The following FSTL5 variants were observed in gnomAD, a reference collection of about 807,000 sequenced individuals.
FSTL5 encodes the protein follistatin-related protein 5.
In FSTL5, 62 loss-of-function variants were observed where a neutral mutation model predicts 89.1. That is an observed-to-expected ratio of 0.70 (90% CI 0.57 to 0.86). The LOEUF (loss-of-function observed/expected upper bound fraction) is 0.86, where lower values mean the gene tolerates loss of function less well. Ranked by LOEUF, FSTL5 falls within the 40% of genes least tolerant of loss-of-function variation. The probability of loss-of-function intolerance (pLI) is 0.00; values close to 1 mark genes in which losing one functional copy is unlikely to be tolerated. For missense variants in FSTL5, 1,057 were observed against 1,001.6 expected (o/e 1.06, Z -0.75); for synonymous variants, 383 against 346.2 (o/e 1.11, Z -1.18).
At chr4:161,550,855 T>C (rs951260027) in intron 8 of FSTL5, among the ~76,000 whole-genome samples, 1 of 151,962 alleles carries the variant, frequency 6.6e-6, no homozygotes, top group African/African-American at 2.4e-5. Context: ...GTTCTTGCGA[T>C]AGTTTGCTGA....
intron 6 of FSTL5, among the ~76,000 whole-genome samples, chr4:161,705,964 A>ACC (rs1738558820): frequency 1.5e-5 from 1 of 65,662 alleles, no homozygotes; most frequent in Non-Finnish European, 2.8e-5. Context: ...ATATATATAT[A>ACC]TATATATATA....
intron 2 of FSTL5, among the ~76,000 whole-genome samples, chr4:162,042,937 T>G (rs868438876): frequency 8.8e-4 from 93 of 105,992 alleles, no homozygotes; most frequent in Middle Eastern, 7.7e-3. Flanking sequence ...TACACTCTGG[T>G]GACTGTTGTG....
chr4:162,045,392 T>TC (rs988869095), intron 2 of FSTL5, among the ~76,000 whole-genome samples: 1 of 152,190 alleles, frequency 6.6e-6, no homozygotes, highest in African/African-American at 2.4e-5. Context: ...TTCATGGTGC[T>TC]CCAAAACAGT....
At chr4:161,636,345 C>T (rs1735698567) in intron 7 of FSTL5, among the ~76,000 whole-genome samples, 2 of 151,604 alleles carry the variant, frequency 1.3e-5, no homozygotes, top group South Asian at 4.2e-4. Flanking sequence ...TCAAATATAA[C>T]TGTTAAAGTA....
chr4:161,637,896 G>A (rs1172805604), intron 7 of FSTL5, among the ~76,000 whole-genome samples: 1 of 136,150 alleles, frequency 7.3e-6, no homozygotes, highest in Non-Finnish European at 1.6e-5. Context: ...GTCAGGTAGT[G>A]TGATGCCTCC....
At position 161,384,914 on chromosome 4, in the gene FSTL5, T is replaced by G. The variant is rs1351521642; in HGVS notation, c.*833A>C. On this transcript the variant is annotated 3_prime_UTR_variant, in exon 16 of 16. Coordinates refer to ENST00000306100, the MANE Select transcript of FSTL5 (RefSeq NM_020116.5). ...AATAAATAATCTATTCTGCTAGTAA[T>G]AAACATCTGTAGGCAGTTGACATCC... 1 of 152,174 alleles carries G rather than the reference T, an allele frequency of 6.6e-6. No homozygotes were observed. Among genetic ancestry groups the G allele is most frequent in the East Asian group, 1.9e-4 (1 of 5,188 alleles). 9.4% of individuals were successfully genotyped at this position (152,174 alleles called of 1,614,324 possible).
chr4:161,519,684 C>G (rs1041728486), intron 10 of FSTL5, among the ~76,000 whole-genome samples: 3 of 152,096 alleles, frequency 2.0e-5, no homozygotes, highest in African/African-American at 7.2e-5. Context: ...TTGATTTTGA[C>G]AATTCTTCAC....
intron 9 of FSTL5, among the ~76,000 whole-genome samples, chr4:161,540,421 A>AATC (rs138147199): frequency 0.074 from 11,313 of 152,180 alleles, 527 homozygotes; most frequent in Middle Eastern, 0.16. Context: ...CACTCTCAGC[A>AATC]AGTGATCTTG....
chr4:161,766,875 G>A (rs1264588491), intron 5 of FSTL5, among the ~76,000 whole-genome samples: 1 of 151,074 alleles, frequency 6.6e-6, no homozygotes, highest in Non-Finnish European at 1.5e-5. Flanking sequence ...TGGATATACA[G>A]ATACAGATAG....
At chr4:161,687,062 TG>T (rs1350436784) in intron 6 of FSTL5, among the ~76,000 whole-genome samples, 1 of 152,086 alleles carries the variant, frequency 6.6e-6, no homozygotes, top group Non-Finnish European at 1.5e-5. Context: ...AGTGAAAAAT[TG>T]GGCCTCATTG....
At chr4:161,779,762 T>TATATATATATATAC (rs1741557876) in intron 4 of FSTL5, among the ~76,000 whole-genome samples, 1 of 61,300 alleles carries the variant, frequency 1.6e-5, no homozygotes, top group Non-Finnish European at 4.4e-5. Context: ...TGTAAAGTTA[T>TATATATATATATAC]ATATATATAT....
At chr4:161,474,609 G>A (rs1334102353) in intron 13 of FSTL5, among the ~76,000 whole-genome samples, 2 of 151,420 alleles carry the variant, frequency 1.3e-5, no homozygotes, top group African/African-American at 4.9e-5. Flanking sequence ...GCAGTGGCAG[G>A]ATCTCGGTTC....
intron 3 of FSTL5, among the ~76,000 whole-genome samples, chr4:162,004,723 A>G (rs1220958522): frequency 1.3e-5 from 2 of 152,118 alleles, no homozygotes; most frequent in African/African-American, 4.8e-5. Context: ...CTTGAAGTAA[A>G]CTTGTTTATT....
At chr4:162,110,805 T>C (rs945396012) in intron 2 of FSTL5, among the ~76,000 whole-genome samples, 7 of 151,768 alleles carry the variant, frequency 4.6e-5, no homozygotes, top group Non-Finnish European at 1.0e-4. Context: ...ATTGTGAAAA[T>C]TTCTAAAAAT....
At chr4:161,772,190 T>C (rs1741234237) in intron 5 of FSTL5, among the ~76,000 whole-genome samples, 2 of 152,142 alleles carry the variant, frequency 1.3e-5, no homozygotes, top group African/African-American at 4.8e-5. Flanking sequence ...TGCAGCCAGT[T>C]TTCCTGCTGC....
intron 15 of FSTL5, among the ~76,000 whole-genome samples, chr4:161,414,558 A>C (rs1731708227): frequency 1.3e-5 from 2 of 152,196 alleles, no homozygotes; most frequent in African/African-American, 4.8e-5. Flanking sequence ...TTTATTTAAC[A>C]TTAGAATATC....
At chr4:161,782,235 T>A (rs1741698308) in intron 4 of FSTL5, among the ~76,000 whole-genome samples, 1 of 152,192 alleles carries the variant, frequency 6.6e-6, no homozygotes, top group Admixed American at 6.5e-5. Flanking sequence ...GATTTAAGTT[T>A]TCAACTCATT....
chr4:162,011,086 C>A (rs1001467235), intron 3 of FSTL5, among the ~76,000 whole-genome samples: 2 of 152,150 alleles, frequency 1.3e-5, no homozygotes, highest in Non-Finnish European at 2.9e-5. Flanking sequence ...CAGAACACAT[C>A]TGATGTTTTT....
intron 3 of FSTL5, among the ~76,000 whole-genome samples, chr4:161,922,516 T>C (rs1734020607): frequency 1.3e-5 from 2 of 152,114 alleles, no homozygotes; most frequent in Non-Finnish European, 2.9e-5. Context: ...AAGTTGTTAA[T>C]ATACAAATTT....
Sources: allele counts gnomAD v4.1 joint callset (sites outside exome capture counted in the v4.1 genomes callset), GRCh38; gene constraint gnomAD v4.1.1; transcripts MANE v1.5; gene names NCBI Gene and HGNC (gene_info 2026-07-23, HGNC 2026-07-21).